VANGL2: variants seen among roughly 807,000 people sequenced by gnomAD.
VANGL2 encodes the protein vang-like protein 2.
VANGL2 carries 14 observed loss-of-function variants against 50.2 expected under a neutral mutation model. The ratio of observed to expected loss-of-function variants is 0.28; its 90% CI spans 0.18 to 0.44. The LOEUF is 0.44. VANGL2 is among the 20% of genes least tolerant of loss of function. The pLI is 1.00. For synonymous variants in VANGL2, 295 were observed against 297.2 expected (o/e 0.99, Z 0.08); for missense variants, 533 against 701.5 (o/e 0.76, Z 2.71).
chr1:160,406,433 A>T (rs1261527087), intron 1 of VANGL2, among the ~76,000 whole-genome samples: 2 of 152,228 alleles, frequency 1.3e-5, no homozygotes, highest in Admixed American at 1.3e-4. Context: ...CCTTGGTGTC[A>T]TAAGCCTGGG....
intron 1 of VANGL2, among the ~76,000 whole-genome samples, 165 bp from the exon 2 acceptor site, chr1:160,415,483 G>A (rs2101960092): frequency 6.6e-6 from 1 of 152,298 alleles, no homozygotes; most frequent in Non-Finnish European, 1.5e-5. Context: ...GAGAAGGGTA[G>A]GAGGAACTGG....
chr1:160,423,463 C>T (rs556469162), intron 6 of VANGL2, among the ~76,000 whole-genome samples: 5 of 152,274 alleles, frequency 3.3e-5, no homozygotes, highest in South Asian at 2.1e-4. Context: ...GTAACTACTT[C>T]GTATATCTTT....
Position 160,419,751 on chromosome 1 carries a change from C to T in VANGL2, c.800+142C>T. 2.3e-6 allele frequency: 3 copies of T among 1,300,152 alleles called. No homozygotes were observed. The highest frequency in any genetic ancestry group is 2.5e-5 in the East Asian group (1 of 39,494). The allele number at this position is 1,300,152 out of a possible 1,614,324, so 80.5% of individuals were successfully genotyped here. A position where few individuals can be genotyped will look rare whatever the true frequency, so the allele number is the denominator to read the frequency against. On this transcript the variant is annotated intron_variant, in intron 4 of 7. Coordinates refer to ENST00000368061, the MANE Select transcript of VANGL2 (RefSeq NM_020335.3). The surrounding 1 kb of genome is among the most constrained non-coding windows in gnomAD (Gnocchi z 5.8). ...GTGGGAGGGAGTTGAGTACTTTGCACCAAGTAGGTTTTCACCAATGTTTGC... is the reference window on the plus strand; with the variant it reads ...GTGGGAGGGAGTTGAGTACTTTGCATCAAGTAGGTTTTCACCAATGTTTGC...
rs1044505893 is a variant in VANGL2, at chr1:160,425,748, C to G, written c.*370C>G. 5.3e-6 allele frequency: 1 copy of G among 188,374 alleles called. No individual in the cohort carries two copies. The highest frequency in any genetic ancestry group is 2.3e-5 in the African/African-American group (1 of 42,594). 11.7% of individuals were successfully genotyped at this position (188,374 alleles called of 1,614,324 possible). On this transcript the variant is annotated 3_prime_UTR_variant, in exon 8 of 8. Coordinates refer to ENST00000368061, the MANE Select transcript of VANGL2 (RefSeq NM_020335.3). ...GATTGTACTTTCCCCTCCTGAGCCC[C>G]GACTCACAAATCCAAGTTCTTAAAA...
chr1:160,405,199 A>G (rs1650609806), intron 1 of VANGL2, among the ~76,000 whole-genome samples: 1 of 151,856 alleles, frequency 6.6e-6, no homozygotes, highest in African/African-American at 2.4e-5. Context: ...TTGACCTGAA[A>G]TTTTCCCTTT....
chr1:160,418,299 C>T (rs569784501), intron 3 of VANGL2, among the ~76,000 whole-genome samples: 15 of 152,064 alleles, frequency 9.9e-5, no homozygotes, highest in Admixed American at 9.8e-4. Flanking sequence ...AGTAAACATG[C>T]GGTGGGCCTG....
At position 160,420,304 on chromosome 1, in the gene VANGL2, C is replaced by G; in HGVS notation, c.801-107C>G. 1.5e-5 allele frequency: 22 copies of G among 1,454,422 alleles called. No homozygotes were observed. In the South Asian group the frequency reaches 2.5e-4, roughly 17 times the overall value. The allele number at this position is 1,454,422 out of a possible 1,614,324, so 90.1% of individuals were successfully genotyped here. A position where few individuals can be genotyped will look rare whatever the true frequency, so the allele number is the denominator to read the frequency against. ...CAGGCTTCTCGGAAGCAGCTTGTCC[C>G]TGTCCTGTGTCCTCTCCTGCCCTGC... is the stretch of plus-strand genomic sequence containing the variant. On this transcript the variant is annotated intron_variant, in intron 4 of 7. Coordinates refer to ENST00000368061, the MANE Select transcript of VANGL2 (RefSeq NM_020335.3).
In VANGL2 at chr1:160,425,420, G is replaced by T; in HGVS notation, c.*42G>T. On this transcript the variant is annotated 3_prime_UTR_variant, in exon 8 of 8. Transcript: ENST00000368061. ...GGAGTGGGAAACTCTGGGGGGTCCT[G>T]AGGGGGTGGGAGGGGGCTTGGTTCT... 1.7e-6 allele frequency: 2 copies of T among 1,209,260 alleles called. No homozygotes were observed. Among genetic ancestry groups the T allele is most frequent in the Non-Finnish European group, 1.1e-6 (1 of 890,454 alleles). 74.9% of individuals were successfully genotyped at this position (1,209,260 alleles called of 1,614,324 possible). A position where few individuals can be genotyped will look rare whatever the true frequency, so the allele number is the denominator to read the frequency against.
At chr1:160,401,863 G>A (rs187867045) in intron 1 of VANGL2, among the ~76,000 whole-genome samples, 138 of 152,132 alleles carry the variant, frequency 9.1e-4, no homozygotes, top group Non-Finnish European at 1.3e-4. Context: ...GGGAAGGGGT[G>A]TGAATCTGTG....
chr1:160,404,461 C>T (rs1234570042), intron 1 of VANGL2, among the ~76,000 whole-genome samples: 1 of 152,134 alleles, frequency 6.6e-6, no homozygotes, highest in African/African-American at 2.4e-5. Context: ...TGAACAGTGG[C>T]ATTTAGTACA....
intron 1 of VANGL2, among the ~76,000 whole-genome samples, chr1:160,407,818 C>CGGGCCAGTTCTCTGCCT (rs1324706393): frequency 2.0e-5 from 3 of 152,336 alleles, no homozygotes; most frequent in Non-Finnish European, 4.4e-5. Flanking sequence ...TGGGCAGGTA[C>CGGGCCAGTTCTCTGCCT]GGGCCAGTTC....
At chr1:160,424,329 T>C in intron 7 of VANGL2, 46 bp downstream of exon 7, 2 of 1,570,436 alleles carry the variant, frequency 1.3e-6, no homozygotes, top group Non-Finnish European at 1.7e-6. Flanking sequence ...CCCCAGCTCC[T>C]CTTCTTTCCC....
At position 160,425,199 on chromosome 1, in the gene VANGL2, G is replaced by A. The variant is rs1651407534; in HGVS notation, c.1387G>A (p.Val463Met). 1 of 1,614,032 alleles carries A rather than the reference G, an allele frequency of 6.2e-7. No individual in the cohort carries two copies. Among genetic ancestry groups the A allele is most frequent in the Admixed American group, 1.7e-5 (1 of 60,006 alleles). The stretch of plus-strand genomic sequence containing the variant: ...CTGGCTGGCCAAACAGTGGACATTG[G>A]TGAGCGAGGAGCCGGTGACCAACGG... ...ERWLAKQWTL[V>M]SEEPVTNGLK... Residue 463 changes from valine to methionine, a missense_variant, in exon 8 of 8, where the codon GTG becomes ATG. Coordinates refer to ENST00000368061, the MANE Select transcript of VANGL2 (RefSeq NM_020335.3).
In VANGL2 at chr1:160,427,400, A is replaced by T. The variant is rs901692570; in HGVS notation, c.*2022A>T. 2.6e-5 allele frequency: 4 copies of T among 151,562 alleles called. No homozygotes were observed. The highest frequency in any genetic ancestry group is 5.9e-5 in the Non-Finnish European group (4 of 67,808). 9.4% of individuals were successfully genotyped at this position (151,562 alleles called of 1,614,324 possible). On this transcript the variant is annotated 3_prime_UTR_variant, in exon 8 of 8. Transcript: ENST00000368061. The stretch of plus-strand genomic sequence containing the variant: ...GGGGCTGGGGAGTGTTTATTTTAAG[A>T]TCCTGCCATGTTTTTAATCACTGTG...
At position 160,424,109 on chromosome 1, in the gene VANGL2, G is replaced by A. The variant is rs1249619416; in HGVS notation, c.1131G>A (p.Glu377=). 6 of 1,614,144 alleles carry A rather than the reference G, an allele frequency of 3.7e-6. No individual in the cohort carries two copies. The highest frequency in any genetic ancestry group is 5.1e-6 in the Non-Finnish European group (6 of 1,179,978). ...FTHIKRLQEE[E]QKNPREVMDP... The stretch of plus-strand genomic sequence containing the variant: ...ACATTAAGCGGCTGCAGGAAGAGGA[G>A]CAGAAAAACCCCAGGGAGGTGATGG... The change falls in exon 7 of 8, where the codon GAG becomes GAA. Residue 377 remains glutamate (E), a synonymous_variant. Coordinates refer to ENST00000368061, the MANE Select transcript of VANGL2 (RefSeq NM_020335.3).
At chr1:160,424,441 C>T (rs992674392) in intron 7 of VANGL2, among the ~76,000 whole-genome samples, 158 bp downstream of exon 7, 2 of 152,180 alleles carry the variant, frequency 1.3e-5, no homozygotes, top group Admixed American at 6.5e-5. Flanking sequence ...ATTCCTATTC[C>T]ACCTGCCCCA....
chr1:160,419,040 CA>C lies in VANGL2; in HGVS notation c.232del (p.Thr78ProfsTer249). On this transcript the variant is annotated frameshift_variant, in exon 4 of 8. Transcript: ENST00000368061. LOFTEE classifies it high-confidence loss of function. The surrounding 1 kb of genome is among the most constrained non-coding windows in gnomAD (Gnocchi z 5.8). The part of the protein sequence containing the change: ...WGETTTVVTG[T>X]SEHSISHDDL... ...GGGAAACGACGACAGTAGTAACGGG[CA>C]CCTCAGAGCACAGCATCTCCCATGA... 6.2e-7 allele frequency: 1 copy of C among 1,610,046 alleles called. No homozygotes were observed. Among genetic ancestry groups the C allele is most frequent in the Non-Finnish European group, 8.5e-7 (1 of 1,176,830 alleles).
At chr1:160,411,648 C>CT (rs34218732) in intron 1 of VANGL2, among the ~76,000 whole-genome samples, 2 of 152,048 alleles carry the variant, frequency 1.3e-5, no homozygotes, top group African/African-American at 2.4e-5. Context: ...TGTTTTGGTG[C>CT]TTTTTGGGCA....
chr1:160,418,316 C>T (rs115863031), intron 3 of VANGL2, among the ~76,000 whole-genome samples: 188 of 152,098 alleles, frequency 1.2e-3, no homozygotes, highest in African/African-American at 4.2e-3. Flanking sequence ...CCTGAGGTTC[C>T]GCCTTTCTAA....
Sources: allele counts gnomAD v4.1 joint callset (sites outside exome capture counted in the v4.1 genomes callset), GRCh38; gene constraint gnomAD v4.1.1; non-coding constraint Gnocchi (gnomAD v3.1); transcripts MANE v1.5; gene names NCBI Gene and HGNC (gene_info 2026-07-23, HGNC 2026-07-21).